CAB39: variants seen among roughly 807,000 people sequenced by gnomAD.
The protein encoded by CAB39 is calcium-binding protein 39.
CAB39 carries 8 observed loss-of-function variants against 40.0 expected under a neutral mutation model. The observed-to-expected ratio is 0.20, with a 90% CI of 0.12 to 0.36. The LOEUF (loss-of-function observed/expected upper bound fraction) is 0.36, where lower values mean the gene tolerates loss of function less well. Ranked by LOEUF, CAB39 falls within the 10% of genes least tolerant of loss-of-function variation. The pLI is 1.00. For synonymous variants in CAB39, 156 were observed against 141.6 expected, an observed-to-expected ratio of 1.10 and a Z score of -0.72; for missense variants, 270 against 401.1, an observed-to-expected ratio of 0.67 and a Z score of 2.79.
intron 1 of CAB39, among the ~76,000 whole-genome samples, chr2:230,729,493 G>A (rs1040274479): frequency 3.3e-5 from 5 of 152,160 alleles, no homozygotes; most frequent in Admixed American, 6.5e-5. Context: ...GCTCACGCCT[G>A]GAATCCCCAG....
chr2:230,770,280 G>C (rs1040273567), intron 2 of CAB39, among the ~76,000 whole-genome samples: 1 of 152,186 alleles, frequency 6.6e-6, no homozygotes, highest in African/African-American at 2.4e-5. Flanking sequence ...TCTGGAGTGA[G>C]AGATTCCTGT....
At chr2:230,732,219 C>G (rs1430082021) in intron 1 of CAB39, among the ~76,000 whole-genome samples, 1 of 152,110 alleles carries the variant, frequency 6.6e-6, no homozygotes, top group African/African-American at 2.4e-5. Context: ...GTAGCTGGGA[C>G]TACAGGCGCC....
intron 6 of CAB39, 69 bp downstream of exon 6, chr2:230,810,391 A>G (rs1265419485): frequency 4.9e-6 from 3 of 610,458 alleles, no homozygotes; most frequent in Non-Finnish European, 8.5e-6. Flanking sequence ...AAAGACTTAC[A>G]TTAGGTTTTT....
chr2:230,789,682 G>C (rs761401144), intron 2 of CAB39, among the ~76,000 whole-genome samples: 3 of 152,174 alleles, frequency 2.0e-5, no homozygotes, highest in Non-Finnish European at 2.9e-5. Context: ...ACATGAGTGG[G>C]CTCTGCAGGT....
At chr2:230,755,399 G>A (rs965265242) in intron 1 of CAB39, among the ~76,000 whole-genome samples, 6 of 152,178 alleles carry the variant, frequency 3.9e-5, no homozygotes, top group Non-Finnish European at 5.9e-5. Flanking sequence ...TAGTGATGCT[G>A]AGCATTTTTT....
At chr2:230,797,549 G>A (rs1379091611) in intron 4 of CAB39, among the ~76,000 whole-genome samples, 2 of 151,438 alleles carry the variant, frequency 1.3e-5, no homozygotes, top group Non-Finnish European at 2.9e-5. Context: ...TTTATGGAGG[G>A]GGATGAGATT....
chr2:230,740,277 T>G (rs1252114222), intron 1 of CAB39, among the ~76,000 whole-genome samples: 1 of 152,178 alleles, frequency 6.6e-6, no homozygotes, highest in African/African-American at 2.4e-5. Flanking sequence ...ATTCATACTT[T>G]TAATAGGAAG....
At chr2:230,796,519 G>T (rs1266319482) in intron 4 of CAB39, among the ~76,000 whole-genome samples, 1 of 152,064 alleles carries the variant, frequency 6.6e-6, no homozygotes, top group Non-Finnish European at 1.5e-5. Flanking sequence ...TCTTACCCTT[G>T]TCTTTCCTGC....
chr2:230,779,270 TTC>T (rs1370004960), intron 2 of CAB39: 8 of 152,272 alleles, frequency 5.3e-5, no homozygotes, highest in African/African-American at 1.9e-4. Context: ...CCCAGACCCT[TTC>T]CTCTGTGCTG....
chr2:230,802,578 C>G (rs996411581), intron 5 of CAB39, among the ~76,000 whole-genome samples: 1 of 152,090 alleles, frequency 6.6e-6, no homozygotes, highest in African/African-American at 2.4e-5. Flanking sequence ...AAGGGGAGAT[C>G]ACCACCGATC....
intron 1 of CAB39, among the ~76,000 whole-genome samples, chr2:230,754,381 C>T (rs867992990): frequency 7.0e-6 from 1 of 142,622 alleles, no homozygotes; most frequent in African/African-American, 2.8e-5. Flanking sequence ...CTGCCTTCCT[C>T]TTCCCCTCCT....
chr2:230,815,154 A>G (rs1696378404), intron 7 of CAB39, among the ~76,000 whole-genome samples: 1 of 152,262 alleles, frequency 6.6e-6, no homozygotes, highest in Non-Finnish European at 1.5e-5. Context: ...ATTTTCAATC[A>G]GCACTTTCTT....
At chr2:230,747,707 A>G (rs545193036) in intron 1 of CAB39, among the ~76,000 whole-genome samples, 3 of 152,256 alleles carry the variant, frequency 2.0e-5, no homozygotes, top group Non-Finnish European at 4.4e-5. Flanking sequence ...CAGTTCTTCA[A>G]ATAGAAACTT....
At chr2:230,807,875 C>G (rs962721420) in intron 5 of CAB39, among the ~76,000 whole-genome samples, 1 of 152,152 alleles carries the variant, frequency 6.6e-6, no homozygotes, top group African/African-American at 2.4e-5. Context: ...TATGACAGAA[C>G]AGTGAGCAGC....
intron 5 of CAB39, among the ~76,000 whole-genome samples, chr2:230,802,563 T>G (rs1386045191): frequency 1.3e-5 from 2 of 152,080 alleles, no homozygotes; most frequent in Admixed American, 1.3e-4. Context: ...CAATAAAAAA[T>G]GATAAAGGGG....
At position 230,818,953 on chromosome 2, in the gene CAB39, G is replaced by A. The variant is rs959722981; in HGVS notation, c.*249G>A. Reference sequence around the variant, plus strand: ...AGAATTCAAAGACTGTGCTACGGGAGTTCTGAACATGGCTGGGTTCATGAA... The same window carrying A: ...AGAATTCAAAGACTGTGCTACGGGAATTCTGAACATGGCTGGGTTCATGAA... On this transcript the variant is annotated 3_prime_UTR_variant, in exon 9 of 9. Transcript: ENST00000258418. The A allele has an allele frequency of 7.9e-6, 3 of 378,712 alleles. No individual in the cohort carries two copies. The highest frequency in any genetic ancestry group is 9.8e-6 in the Non-Finnish European group (2 of 203,698). The allele number at this position is 378,712 out of a possible 1,614,324, so 23.5% of individuals were successfully genotyped here.
At chr2:230,787,693 C>A (rs1695816984) in intron 2 of CAB39, among the ~76,000 whole-genome samples, 1 of 152,128 alleles carries the variant, frequency 6.6e-6, no homozygotes, top group Admixed American at 6.5e-5. Flanking sequence ...GAGTGGTGGT[C>A]TGGTGTCTTC....
At chr2:230,728,620 G>GT in intron 1 of CAB39, among the ~76,000 whole-genome samples, 1 of 152,174 alleles carries the variant, frequency 6.6e-6, no homozygotes, top group African/African-American at 2.4e-5. Flanking sequence ...TCTTTTATAT[G>GT]TTTTTTTGAG....
chr2:230,787,374 T>C (rs1300044734), intron 2 of CAB39, among the ~76,000 whole-genome samples: 2 of 152,132 alleles, frequency 1.3e-5, no homozygotes, highest in African/African-American at 4.8e-5. Flanking sequence ...GACATACATA[T>C]GAGATTTTCA....
Sources: allele counts gnomAD v4.1 joint callset (sites outside exome capture counted in the v4.1 genomes callset), GRCh38; gene constraint gnomAD v4.1.1; transcripts MANE v1.5; gene names NCBI Gene and HGNC (gene_info 2026-07-23, HGNC 2026-07-21).